Variants in CFAP46 observed in about 807,000 individuals in gnomAD.
CFAP46 encodes cilia- and flagella-associated protein 46.
CFAP46 carries 245 observed loss-of-function variants against 325.7 expected under a neutral mutation model. That is an observed-to-expected ratio of 0.75 (90% CI 0.68 to 0.84). The LOEUF is 0.84. Ranked by LOEUF, CFAP46 falls within the 40% of genes least tolerant of loss-of-function variation. The pLI is 0.00. For synonymous variants in CFAP46, 1,523 were observed against 1,495.9 expected (o/e 1.02, Z -0.42); for missense variants, 3,346 against 3,543.0 (o/e 0.94, Z 1.41).
chr10:132,902,456 A>G, intron 22 of CFAP46, among the ~76,000 whole-genome samples: 1 of 152,088 alleles, frequency 6.6e-6, no homozygotes, highest in East Asian at 1.9e-4. Flanking sequence ...CAGACACTTT[A>G]TTTTTCATTT....
At chr10:132,898,398 T>C (rs1359297148) in intron 24 of CFAP46, 15 of 235,434 alleles carry the variant, frequency 6.4e-5, no homozygotes, top group Non-Finnish European at 7.6e-5. Context: ...CCAGGACCCA[T>C]GCCTAGCCTC....
Position 132,892,377 on chromosome 10 carries a change from G to A in CFAP46, c.3260C>T (p.Ala1087Val), listed in dbSNP as rs868588137. 1 of 1,550,798 alleles carries A rather than the reference G, an allele frequency of 6.4e-7. No homozygotes were observed. The highest frequency in any genetic ancestry group is 2.0e-5 in the Admixed American group (1 of 50,986). Residue 1087 changes from alanine (A) to valine (V), a missense_variant, in exon 25 of 58, where the codon GCC (alanine) becomes GTC (valine). Ala to Val is a moderately conservative substitution (Grantham distance 64). Transcript: ENST00000368586. ...GGTCGTCCCGCCACCCTGGAAGTCG[G>A]CCGTGGGCCACTGGTGCAGAAGCAG... The part of the protein sequence containing the change: ...KTLLLHQWPT[A>V]DFQGGGTTEG...
chr10:132,940,581 C>CTT (rs368101100), intron 4 of CFAP46, among the ~76,000 whole-genome samples: 3 of 145,266 alleles, frequency 2.1e-5, no homozygotes, highest in Non-Finnish European at 3.0e-5. Flanking sequence ...AAAACAGACT[C>CTT]TTTTTTTTTT....
intron 8 of CFAP46, among the ~76,000 whole-genome samples, chr10:132,931,342 C>T (rs1849897814): frequency 7.1e-6 from 1 of 140,592 alleles, no homozygotes; most frequent in African/African-American, 2.7e-5. Context: ...CTTCCCCACA[C>T]TCCCCACGCA....
intron 50 of CFAP46, among the ~76,000 whole-genome samples, chr10:132,822,318 G>GCGCT (rs1847874174): frequency 7.2e-6 from 1 of 138,362 alleles, no homozygotes; most frequent in African/African-American, 2.8e-5. Flanking sequence ...TGCTGTGTGT[G>GCGCT]TGGTGATGTG....
chr10:132,855,844 T>C (rs1175298274), intron 39 of CFAP46, among the ~76,000 whole-genome samples: 1 of 152,218 alleles, frequency 6.6e-6, no homozygotes, highest in East Asian at 1.9e-4. Context: ...GTTATTATTG[T>C]TTAAGCAGCC....
chr10:132,837,025 G>A lies in CFAP46; in HGVS notation c.6439-111C>T. On this transcript the variant is annotated intron_variant, in intron 44 of 57. Coordinates refer to ENST00000368586, the MANE Select transcript of CFAP46 (RefSeq NM_001200049.3). The stretch of plus-strand genomic sequence containing the variant: ...GTGGCAGAGCCACGGCGGGGGCTTT[G>A]TACCCTTCCTGCCCGAGGCTGGGCC... The A allele has an allele frequency of 3.6e-6, 3 of 834,976 alleles. No homozygotes were observed. In the South Asian group the frequency reaches 4.5e-5, roughly 12 times the overall value. The allele number at this position is 834,976 out of a possible 1,614,324, so 51.7% of individuals were successfully genotyped here. A position where few individuals can be genotyped will look rare whatever the true frequency, so the allele number is the denominator to read the frequency against.
chr10:132,898,055 C>T lies in CFAP46; in HGVS notation c.3219+904G>A, dbSNP rs191802014. 5.9e-4 allele frequency among the ~76,000 whole-genome samples: 90 copies of T among 152,332 alleles called. 1 individual carries two copies. The highest frequency in any genetic ancestry group is 3.4e-3 in the Middle Eastern group (1 of 294). On this transcript the variant is annotated intron_variant, in intron 24 of 57. Transcript: ENST00000368586. The stretch of plus-strand genomic sequence containing the variant: ...AGCTCTGCTTCTCTTAGAAGGGCCC[C>T]GTTTTGTGGGTTCTCTGTGGCTGAC...
chr10:132,885,021 C>T (rs2135392173), intron 27 of CFAP46, 82 bp downstream of exon 27: 2 of 1,426,436 alleles, frequency 1.4e-6, no homozygotes, highest in Non-Finnish European at 1.9e-6. Flanking sequence ...CACCAGGTCC[C>T]TGCTGAGCTT....
chr10:132,826,241 C>T (rs867557460), intron 50 of CFAP46, among the ~76,000 whole-genome samples: 157 of 68,636 alleles, frequency 2.3e-3, no homozygotes, highest in Admixed American at 5.7e-3. Flanking sequence ...AGGCAGGAGC[C>T]GGAGCCACGG....
intron 8 of CFAP46, 63 bp from the exon 9 acceptor site, chr10:132,929,867 C>T (rs539868752): frequency 8.9e-5 from 107 of 1,204,814 alleles, no homozygotes; most frequent in African/African-American, 8.2e-4. Context: ...TGGCTGCAGG[C>T]GAGAATCCAT....
At chr10:132,861,571 C>T (rs1218174851) in intron 35 of CFAP46, among the ~76,000 whole-genome samples, 1 of 152,228 alleles carries the variant, frequency 6.6e-6, no homozygotes, top group Non-Finnish European at 1.5e-5. Flanking sequence ...CAGGCCTCCC[C>T]ATCCGGGGGC....
chr10:132,938,506 C>A, intron 5 of CFAP46, 83 bp downstream of exon 5: 1 of 1,355,356 alleles, frequency 7.4e-7, no homozygotes, highest in Non-Finnish European at 1.0e-6. Context: ...ACTCCCGTCC[C>A]CCCCCCGGAG....
intron 50 of CFAP46, among the ~76,000 whole-genome samples, chr10:132,826,127 C>T (rs1210163117): frequency 8.3e-6 from 1 of 120,950 alleles, no homozygotes; most frequent in South Asian, 3.0e-4. Context: ...AGGCAGGAGC[C>T]GGAGCCACAG....
chr10:132,937,113 G>T, intron 6 of CFAP46, 58 bp from the exon 7 acceptor site: 1 of 1,009,610 alleles, frequency 9.9e-7, no homozygotes. Flanking sequence ...TAGAGGTTCA[G>T]ATTTTGTGTC....
rs977322667 is a variant in CFAP46 at position 132,876,943 on chromosome 10, T to C, written c.4231A>G (p.Ile1411Val). ...ATGGGTAAGTCTTCCAGTTGTTTGA[T>C]AGGAGCTGGGCTTTGAGACTAGAAA... ...EPKQSQSPAP[I>V]KQLEDLPMSI... The change falls in exon 31 of 58, where the codon ATC becomes GTC. Residue 1411 changes from isoleucine (I) to valine (V), a missense_variant. By Grantham distance (29) the Ile-to-Val change is conservative (BLOSUM62 3). Coordinates refer to ENST00000368586, the MANE Select transcript of CFAP46 (RefSeq NM_001200049.3). This position sits in a 1 kb window ranked among gnomAD's most constrained non-coding sequence, Gnocchi z 4.1. The C allele has an allele frequency of 2.6e-6, 4 of 1,550,190 alleles. No homozygotes were observed. Among genetic ancestry groups the C allele is most frequent in the African/African-American group, 1.4e-5 (1 of 72,998 alleles).
chr10:132,862,086 G>T (rs1003955787), intron 35 of CFAP46, among the ~76,000 whole-genome samples: 1 of 152,244 alleles, frequency 6.6e-6, no homozygotes, highest in Non-Finnish European at 1.5e-5. Context: ...GGCGTAGGCA[G>T]GGCCTGGGCC....
chr10:132,810,791 C>T, intron 56 of CFAP46, 159 bp downstream of exon 56: 1 of 775,472 alleles, frequency 1.3e-6, no homozygotes, highest in Non-Finnish European at 2.2e-6. Context: ...CCATGCACAG[C>T]CACACCTCGC....
Position 132,812,844 on chromosome 10 carries a change from C to T in CFAP46, c.7442G>A (p.Gly2481Glu), listed in dbSNP as rs1408724858. The T allele has an allele frequency of 1.2e-6, 2 of 1,612,014 alleles. No individual in the cohort carries two copies. The highest frequency in any genetic ancestry group is 2.2e-5 in the South Asian group (2 of 91,084). Residue 2481 changes from glycine (G) to glutamate (E), a missense_variant, in exon 55 of 58, where the codon GGA becomes GAA. Gly to Glu is a moderately conservative substitution (Grantham distance 98). Coordinates refer to ENST00000368586, the MANE Select transcript of CFAP46 (RefSeq NM_001200049.3). ...LGSCSGFFFY[G>E]MESFLSHILV... ...TATATGGGACAGGAAGCTCTCCATT[C>T]CATAGAAGAAGAAACCGCTGCAGCT...
Sources: gnomAD v4.1 joint callset for allele counts (sites outside exome capture counted in the v4.1 genomes callset) on GRCh38, gnomAD v4.1.1 for gene constraint, Gnocchi (gnomAD v3.1) non-coding constraint, MANE v1.5 for transcripts, NCBI Gene and HGNC (gene_info 2026-07-23, HGNC 2026-07-21) for gene names.